Variants in ZNF500 observed in about 807,000 individuals in gnomAD.
ZNF500 encodes zinc finger protein 500.
Under a neutral mutation model 30.1 loss-of-function variants are expected in ZNF500, and 31 were observed. That is an observed-to-expected ratio of 1.03 (90% CI 0.77 to 1.39). The LOEUF (loss-of-function observed/expected upper bound fraction) is 1.39. ZNF500 is among the 40% of genes most tolerant of loss of function. ZNF500 has a pLI of 0.00. For synonymous variants in ZNF500, 392 were observed against 282.0 expected, an observed-to-expected ratio of 1.39 and a Z score of -3.91; for missense variants, 817 against 657.8, an observed-to-expected ratio of 1.24 and a Z score of -2.65.
intron 5 of ZNF500, among the ~76,000 whole-genome samples, chr16:4,754,154 G>C (rs1165815634): frequency 6.6e-6 from 1 of 152,214 alleles, no homozygotes; most frequent in African/African-American, 2.4e-5. Context: ...AGTCCCGCAA[G>C]AGGCTCTGCG....
In ZNF500 at chr16:4,752,725, C is replaced by A; in HGVS notation, c.1094G>T (p.Arg365Leu). 6.2e-7 allele frequency: 1 copy of A among 1,614,186 alleles called. No homozygotes were observed. Among genetic ancestry groups the A allele is most frequent in the Non-Finnish European group, 8.5e-7 (1 of 1,180,014 alleles). Reference protein sequence around the residue: ...CLVCGKGFSDRSNFSTHQRVH... With the variant: ...CLVCGKGFSDLSNFSTHQRVH... Reference sequence around the variant, plus strand: ...CCTCTGGTGCGTGCTGAAGTTGGAGCGGTCGCTAAAGCCCTTCCCACAGAC... The same window carrying A: ...CCTCTGGTGCGTGCTGAAGTTGGAGAGGTCGCTAAAGCCCTTCCCACAGAC... The change falls in exon 6 of 6, where the codon CGC (arginine) becomes CTC (leucine). Residue 365 changes from arginine to leucine, a missense_variant. Physicochemically the swap from Arg to Leu is moderately radical, Grantham distance 102. Transcript: ENST00000219478.
intron 4 of ZNF500, among the ~76,000 whole-genome samples, chr16:4,761,908 GCAAA>G (rs769395333): frequency 4.6e-5 from 7 of 152,212 alleles, no homozygotes; most frequent in Admixed American, 3.3e-4. Context: ...AAACCAGCAA[GCAAA>G]CAAAGGAGAC....
At chr16:4,757,715 G>A (rs559243182) in intron 5 of ZNF500, among the ~76,000 whole-genome samples, 2 of 151,930 alleles carry the variant, frequency 1.3e-5, no homozygotes, top group African/African-American at 4.8e-5. Flanking sequence ...CGATTCTCCT[G>A]CCTCAGCCTC....
chr16:4,753,010 G>A lies in ZNF500; in HGVS notation c.809C>T (p.Pro270Leu), dbSNP rs751834995. ...EDGGDGREDA[P>L]LRMEWYRVLS... ...CACTCGGTACCACTCCATTCTCAACGGGGCATCCTCCCTGCCATCACCGCC... is the reference window on the plus strand; with the variant it reads ...CACTCGGTACCACTCCATTCTCAACAGGGCATCCTCCCTGCCATCACCGCC... Residue 270 changes from proline (P) to leucine (L), a missense_variant, in exon 6 of 6, where the codon CCG becomes CTG. Transcript: ENST00000219478. 105 of 1,563,858 alleles carry A rather than the reference G, an allele frequency of 6.7e-5. No individual in the cohort carries two copies. Among genetic ancestry groups the A allele is most frequent in the South Asian group, 8.1e-5 (7 of 86,056 alleles).
chr16:4,759,200 G>A (rs909403503), intron 5 of ZNF500, among the ~76,000 whole-genome samples: 194 of 148,722 alleles, frequency 1.3e-3, no homozygotes, highest in African/African-American at 4.5e-3. Context: ...GGGCAACAGA[G>A]CAAGACTTCA....
Position 4,766,006 on chromosome 16 carries a change from A to G in ZNF500, c.-28T>C, listed in dbSNP as rs753813577. 1 of 1,522,670 alleles carries G rather than the reference A, an allele frequency of 6.6e-7. No individual in the cohort carries two copies. The highest frequency in any genetic ancestry group is 2.2e-5 in the Admixed American group (1 of 45,856). The allele number at this position is 1,522,670 out of a possible 1,614,324, so 94.3% of individuals were successfully genotyped here. A position where few individuals can be genotyped will look rare whatever the true frequency, so the allele number is the denominator to read the frequency against. ...CTTCCGGTGGGCCTTGTTCCTTTTC[A>G]GGCCTTAGAGTTGAACCTGTCTCTC... On this transcript the variant is annotated 5_prime_UTR_variant, in exon 2 of 6. Transcript: ENST00000219478.
chr16:4,747,112 G>C (rs1321886816), downstream of ZNF500: 1 of 1,344,646 alleles, frequency 7.4e-7, no homozygotes, highest in Non-Finnish European at 1.0e-6. Flanking sequence ...TTTACCGCCT[G>C]TGGTGAGGTC....
At chr16:4,745,244 C>G (rs2075470), downstream of ZNF500, among the ~76,000 whole-genome samples, 2 of 152,028 alleles carry the variant, frequency 1.3e-5, no homozygotes, top group East Asian at 1.9e-4. Context: ...CTCAAGCCCT[C>G]AAGTACCTGC....
rs377161268 is a variant in ZNF500, at chr16:4,752,580, C to T, written c.1239G>A (p.Gln413=). The T allele has an allele frequency of 1.9e-6, 3 of 1,584,966 alleles. No homozygotes were observed. The highest frequency in any genetic ancestry group is 2.6e-6 in the Non-Finnish European group (3 of 1,166,810). The part of the protein sequence containing the change: ...HSGERPYACT[Q]CGKRFNNSSH... ...AGCTGTTGTTGAAGCGCTTCCCGCA[C>T]TGGGTGCAGGCATAGGGCCGCTCCC... The change falls in exon 6 of 6, where the codon CAG becomes CAA. Residue 413 remains glutamine (Q), a synonymous_variant. Coordinates refer to ENST00000219478, the MANE Select transcript of ZNF500 (RefSeq NM_021646.4).
At chr16:4,762,978 A>G (rs934553796) in intron 2 of ZNF500, 22 of 985,286 alleles carry the variant, frequency 2.2e-5, no homozygotes, top group South Asian at 4.7e-5. Context: ...TCGTTTCCCC[A>G]TCACATTCTT....
At chr16:4,745,966 A>AG (rs1391015532), downstream of ZNF500, among the ~76,000 whole-genome samples, 741 of 151,710 alleles carry the variant, frequency 4.9e-3, 2 homozygotes, top group Non-Finnish European at 7.7e-3. Flanking sequence ...AAAAAAAAAA[A>AG]AAAGAAAAAG....
chr16:4,763,594 A>T, intron 2 of ZNF500: 1 of 985,338 alleles, frequency 1.0e-6, no homozygotes, highest in South Asian at 4.7e-5. Context: ...GCTTCCTCTT[A>T]TTCAACATTC....
Position 4,762,601 on chromosome 16 carries a change from C to T in ZNF500, c.570G>A (p.Gln190=), listed in dbSNP as rs754233040. 17 of 1,613,756 alleles carry T rather than the reference C, an allele frequency of 1.1e-5. No individual in the cohort carries two copies. The highest frequency in any genetic ancestry group is 1.4e-5 in the Non-Finnish European group (16 of 1,179,908). ...TCTCTGGCCACAACAGCGGGCCCCT[C>T]TGTGGCCTGTGGCTCAGCTGGGCTG... ...QPPAQLSHRP[Q]RGPLLWPERG... The change falls in exon 3 of 6, where the codon CAG becomes CAA. Residue 190 remains glutamine, a synonymous_variant. Transcript: ENST00000219478.
intron 5 of ZNF500, chr16:4,758,380 C>T (rs1040543810): frequency 6.6e-6 from 1 of 152,208 alleles, no homozygotes; most frequent in Non-Finnish European, 1.5e-5. Context: ...CATTCCTTCC[C>T]TTCTGAGGAT....
chr16:4,764,047 G>A lies in ZNF500; in HGVS notation c.415-1291C>T, dbSNP rs1470036417. The A allele has an allele frequency of 3.0e-6, 3 of 985,320 alleles. No individual in the cohort carries two copies. In the African/African-American group the frequency reaches 5.2e-5, roughly 17 times the overall value. The allele number at this position is 985,320 out of a possible 1,614,324, so 61.0% of individuals were successfully genotyped here. A position where few individuals can be genotyped will look rare whatever the true frequency, so the allele number is the denominator to read the frequency against. On this transcript the variant is annotated intron_variant, in intron 2 of 5. Transcript: ENST00000219478. The stretch of plus-strand genomic sequence containing the variant: ...TTCCACAACTGAAACTGAAGCAGCA[G>A]GAATGAGTAAGAGGCTTCCTCTACT...
Position 4,751,390 on chromosome 16 carries a change from G to T in ZNF500, c.*986C>A. The T allele has an allele frequency of 1.7e-6, 1 of 592,484 alleles. No individual in the cohort carries two copies. Among genetic ancestry groups the T allele is most frequent in the Non-Finnish European group, 2.9e-6 (1 of 343,246 alleles). The allele number at this position is 592,484 out of a possible 1,614,324, so 36.7% of individuals were successfully genotyped here. A position where few individuals can be genotyped will look rare whatever the true frequency, so the allele number is the denominator to read the frequency against. On this transcript the variant is annotated 3_prime_UTR_variant, in exon 6 of 6. Coordinates refer to ENST00000219478, the MANE Select transcript of ZNF500 (RefSeq NM_021646.4). Reference sequence around the variant, plus strand: ...CGCAGCCCTGGGCCCCGGCCCTGGGGAGATGTCAGGCCCGTCACATCCCAG... The same window carrying T: ...CGCAGCCCTGGGCCCCGGCCCTGGGTAGATGTCAGGCCCGTCACATCCCAG...
chr16:4,758,605 C>T (rs2082163680), intron 5 of ZNF500: 2 of 152,306 alleles, frequency 1.3e-5, no homozygotes, highest in East Asian at 1.9e-4. Flanking sequence ...TGGGCAGCAT[C>T]CCCACCTTCT....
At chr16:4,760,390 G>A (rs1331621173) in intron 5 of ZNF500, 102 bp downstream of exon 5, 9 of 1,098,662 alleles carry the variant, frequency 8.2e-6, no homozygotes, top group African/African-American at 1.6e-5. Flanking sequence ...ACGGAGGATC[G>A]CCCCAGGCCA....
chr16:4,762,368 A>G lies in ZNF500; in HGVS notation c.599-33T>C, dbSNP rs748532971. The G allele has an allele frequency of 8.8e-6, 14 of 1,584,736 alleles. No homozygotes were observed. The South Asian group carries it at 1.6e-4, about 18-fold the overall frequency. On this transcript the variant is annotated intron_variant, in intron 3 of 5. Coordinates refer to ENST00000219478, the MANE Select transcript of ZNF500 (RefSeq NM_021646.4). The stretch of plus-strand genomic sequence containing the variant: ...GGAGCAGAGTCACCACCAGTCACAC[A>G]GCTCACCCAGTACTGCCCCTGCCGT...
Sources: gnomAD v4.1 joint callset for allele counts (sites outside exome capture counted in the v4.1 genomes callset) on GRCh38, gnomAD v4.1.1 for gene constraint, MANE v1.5 for transcripts, NCBI Gene and HGNC (gene_info 2026-07-23, HGNC 2026-07-21) for gene names.